MTDH: variants seen among roughly 807,000 people sequenced by gnomAD.
MTDH encodes protein LYRIC.
MTDH carries 34 observed loss-of-function variants against 72.7 expected under a neutral mutation model. The ratio of observed to expected loss-of-function variants is 0.47; its 90% CI spans 0.36 to 0.62. The LOEUF (loss-of-function observed/expected upper bound fraction) is 0.62, where lower values mean the gene tolerates loss of function less well. Ranked by LOEUF, MTDH falls within the 20% of genes least tolerant of loss-of-function variation. The probability of loss-of-function intolerance (pLI) is 0.00; values close to 1 mark genes in which losing one functional copy is unlikely to be tolerated. For missense variants in MTDH, 677 were observed against 699.4 expected, an observed-to-expected ratio of 0.97 and a Z score of 0.36; for synonymous variants, 266 against 268.9, an observed-to-expected ratio of 0.99 and a Z score of 0.10.
rs1482369799 is a variant in MTDH, at chr8:97,653,020, G to C, written c.382-8052G>C. Reference sequence around the variant, plus strand: ...TATAGTCCCAGCTACTCAGGAGGCTGAGACAGGGGAATCGCTTGAACCCGG... The same window carrying C: ...TATAGTCCCAGCTACTCAGGAGGCTCAGACAGGGGAATCGCTTGAACCCGG... On this transcript the variant is annotated intron_variant, in intron 1 of 11. Coordinates refer to ENST00000336273, the MANE Select transcript of MTDH (RefSeq NM_178812.4). 2.0e-5 allele frequency among the ~76,000 whole-genome samples: 3 copies of C among 152,060 alleles called. No individual in the cohort carries two copies. In the East Asian group the frequency reaches 5.8e-4, roughly 29 times the overall value.
chr8:97,648,003 T>G (rs548968854), intron 1 of MTDH, among the ~76,000 whole-genome samples: 1 of 152,278 alleles, frequency 6.6e-6, no homozygotes, highest in South Asian at 2.1e-4. Context: ...TTCGTTCCAT[T>G]ATTTTTAGCT....
intron 11 of MTDH, among the ~76,000 whole-genome samples, chr8:97,723,882 T>TG (rs748913211): frequency 4.0e-5 from 6 of 151,398 alleles, no homozygotes; most frequent in Non-Finnish European, 7.4e-5. Context: ...CTGAGGCGGG[T>TG]GGATCACTTG....
intron 1 of MTDH, among the ~76,000 whole-genome samples, chr8:97,657,234 T>G (rs1361735648): frequency 1.3e-5 from 2 of 152,184 alleles, no homozygotes; most frequent in African/African-American, 4.8e-5. Context: ...TACAAGGAGT[T>G]TATCCATCAA....
At chr8:97,719,232 C>T (rs964173116) in intron 10 of MTDH, 43 bp downstream of exon 10, 8 of 1,591,360 alleles carry the variant, frequency 5.0e-6, no homozygotes, top group African/African-American at 4.1e-5. Context: ...CAGTGGCTTA[C>T]GCCTGTAATC....
chr8:97,704,959 G>A (rs952672572), intron 7 of MTDH, among the ~76,000 whole-genome samples: 3 of 152,216 alleles, frequency 2.0e-5, no homozygotes, highest in Non-Finnish European at 2.9e-5. Context: ...GAATAGATCA[G>A]TGGAATAGAA....
Position 97,727,985 on chromosome 8 carries a change from T to G in MTDH, c.*3315T>G, listed in dbSNP as rs1399768766. Reference sequence around the variant, plus strand: ...ATAATTCACCCAAATCTAGTGGTCTTATTTCATAGGCTAATCTGGTTTATA... The same window carrying G: ...ATAATTCACCCAAATCTAGTGGTCTGATTTCATAGGCTAATCTGGTTTATA... On this transcript the variant is annotated 3_prime_UTR_variant, in exon 12 of 12. Coordinates refer to ENST00000336273, the MANE Select transcript of MTDH (RefSeq NM_178812.4). The G allele has an allele frequency of 6.6e-6, 1 of 152,222 alleles. No individual in the cohort carries two copies. Among genetic ancestry groups the G allele is most frequent in the Non-Finnish European group, 1.5e-5 (1 of 68,038 alleles). The allele number at this position is 152,222 out of a possible 1,614,324, so 9.4% of individuals were successfully genotyped here.
intron 9 of MTDH, 97 bp downstream of exon 9, chr8:97,713,866 A>C: frequency 5.6e-6 from 3 of 539,998 alleles, no homozygotes; most frequent in Non-Finnish European, 9.2e-6. Context: ...GATAAAAGAC[A>C]GTATGAGACA....
intron 9 of MTDH, among the ~76,000 whole-genome samples, chr8:97,714,704 A>T (rs1388902297): frequency 6.6e-6 from 1 of 152,152 alleles, no homozygotes; most frequent in East Asian, 1.9e-4. Context: ...ACAACTTCTT[A>T]AAATATTTGT....
chr8:97,713,034 T>C (rs1272447366), intron 8 of MTDH, among the ~76,000 whole-genome samples: 1 of 152,232 alleles, frequency 6.6e-6, no homozygotes, highest in East Asian at 1.9e-4. Flanking sequence ...CATTTGAACT[T>C]CAAAATAAAG....
intron 9 of MTDH, among the ~76,000 whole-genome samples, chr8:97,718,708 GT>G (rs111408831): frequency 2.9e-4 from 42 of 142,792 alleles, no homozygotes; most frequent in Middle Eastern, 3.7e-3. Flanking sequence ...GTAGTTTTGG[GT>G]TTTTTTTTTT....
At chr8:97,719,868 G>T (rs16896130) in intron 10 of MTDH, among the ~76,000 whole-genome samples, 2 of 152,292 alleles carry the variant, frequency 1.3e-5, no homozygotes, top group South Asian at 4.1e-4. Flanking sequence ...TTTAAAACTT[G>T]GTTATAGGCT....
chr8:97,705,810 G>A (rs1453665488), intron 7 of MTDH, among the ~76,000 whole-genome samples: 2 of 152,150 alleles, frequency 1.3e-5, no homozygotes, highest in Non-Finnish European at 2.9e-5. Flanking sequence ...TGATGTGCAG[G>A]GAGAGAAGGG....
At chr8:97,693,244 CA>C (rs1232169431) in intron 6 of MTDH, among the ~76,000 whole-genome samples, 13 of 151,924 alleles carry the variant, frequency 8.6e-5, no homozygotes, top group Non-Finnish European at 1.8e-4. Context: ...ATTCGATAAG[CA>C]AAAAGTACGT....
intron 2 of MTDH, among the ~76,000 whole-genome samples, chr8:97,670,772 G>T (rs567093619): frequency 7.2e-5 from 11 of 152,050 alleles, no homozygotes; most frequent in Non-Finnish European, 1.6e-4. Context: ...CATGGCAGAA[G>T]GTAAAGCATG....
At chr8:97,682,252 A>T (rs1326056154) in intron 2 of MTDH, among the ~76,000 whole-genome samples, 3 of 3,734 alleles carry the variant, frequency 8.0e-4, no homozygotes, top group East Asian at 0.011. Flanking sequence ...ATATATATAT[A>T]TATATATATA....
intron 1 of MTDH, among the ~76,000 whole-genome samples, chr8:97,658,574 T>A (rs1250277057): frequency 6.6e-6 from 1 of 152,174 alleles, no homozygotes; most frequent in Non-Finnish European, 1.5e-5. Context: ...TCCCAATGAC[T>A]CAGTGTCATG....
chr8:97,664,507 C>G (rs1442873186), intron 2 of MTDH, among the ~76,000 whole-genome samples: 1 of 152,184 alleles, frequency 6.6e-6, no homozygotes, highest in Non-Finnish European at 1.5e-5. Flanking sequence ...CTTGCCTATT[C>G]TATTTGACTT....
chr8:97,648,494 CTT>C (rs34507182), intron 1 of MTDH, among the ~76,000 whole-genome samples: 38 of 144,456 alleles, frequency 2.6e-4, no homozygotes, highest in African/African-American at 3.3e-4. Flanking sequence ...AGAAAATTGT[CTT>C]TTTTTTTTTT....
chr8:97,716,754 G>A (rs1222847725), intron 9 of MTDH, among the ~76,000 whole-genome samples: 1 of 152,144 alleles, frequency 6.6e-6, no homozygotes, highest in Non-Finnish European at 1.5e-5. Flanking sequence ...GGTCAGGCTG[G>A]AATGCAGTGG....
Sources: gnomAD v4.1 joint callset for allele counts (sites outside exome capture counted in the v4.1 genomes callset) on GRCh38, gnomAD v4.1.1 for gene constraint, MANE v1.5 for transcripts, NCBI Gene and HGNC (gene_info 2026-07-23, HGNC 2026-07-21) for gene names.